The following G6PC1 variants were observed in gnomAD, a reference collection of about 807,000 sequenced individuals.
G6PC1 encodes the protein G-6-Pase.
In G6PC1, 23 loss-of-function variants were observed where a neutral mutation model predicts 30.4. The ratio of observed to expected loss-of-function variants is 0.76; its 90% CI spans 0.55 to 1.07. The LOEUF is 1.07. Among genes scored for constraint, G6PC1 ranks in the 50% least tolerant of loss-of-function variants. The pLI, the probability that G6PC1 is intolerant of heterozygous loss-of-function variation, is 0.00. For synonymous variants in G6PC1, 163 were observed against 175.6 expected, an observed-to-expected ratio of 0.93 and a Z score of 0.57; for missense variants, 391 against 433.9, an observed-to-expected ratio of 0.90 and a Z score of 0.88.
Position 42,911,825 on chromosome 17 carries a change from C to G in G6PC1, c.*399C>G, listed in dbSNP as rs895921511. 2.1e-5 allele frequency: 6 copies of G among 281,592 alleles called. No individual in the cohort carries two copies. Among genetic ancestry groups the G allele is most frequent in the Non-Finnish European group, 4.1e-5 (6 of 145,724 alleles). The allele number at this position is 281,592 out of a possible 1,614,324, so 17.4% of individuals were successfully genotyped here. ...AGCTCAGGTGGTCCTCTTTTACAATCCTAATCATATTGGGTAATGTTTTTG... is the reference window on the plus strand; with the variant it reads ...AGCTCAGGTGGTCCTCTTTTACAATGCTAATCATATTGGGTAATGTTTTTG... On this transcript the variant is annotated 3_prime_UTR_variant, in exon 5 of 5. Transcript: ENST00000253801.
Position 42,905,811 on chromosome 17 carries a change from C to T in G6PC1, c.341-1712C>T, listed in dbSNP as rs692466. ...TAATCCTAGCACTTTGGGAGGCCAA[C>T]GCAGGTGGATCACCTGAGGTCAGGA... On this transcript the variant is annotated intron_variant, in intron 2 of 4. Transcript: ENST00000253801. Among the ~76,000 whole-genome samples the T allele has an allele frequency of 2.7e-3, 412 of 151,636 alleles. 14 individuals carry two copies. In the South Asian group the frequency reaches 0.055, roughly 20 times the overall value.
intron 3 of G6PC1, 84 bp from the exon 4 acceptor site, chr17:42,909,216 GCCA>G (rs2056080640): frequency 2.0e-6 from 2 of 1,005,492 alleles, no homozygotes; most frequent in African/African-American, 1.6e-5. Context: ...ACCTAAGTTT[GCCA>G]GGCTCCAACA....
At position 42,910,909 on chromosome 17, in the gene G6PC1, A is replaced by G. The variant is rs2056090751; in HGVS notation, c.563-6A>G. 3 of 1,613,928 alleles carry G rather than the reference A, an allele frequency of 1.9e-6. No homozygotes were observed. In the Admixed American group the frequency reaches 5.0e-5, roughly 27 times the overall value. Reference sequence around the variant, plus strand: ...ATCTCTCACAGTCATGCTTTCTTCCACTCAGGCATTGCTGTTGCAGAAACT... The same window carrying G: ...ATCTCTCACAGTCATGCTTTCTTCCGCTCAGGCATTGCTGTTGCAGAAACT... On this transcript the variant is annotated splice_polypyrimidine_tract_variant and splice_region_variant and intron_variant, in intron 4 of 4. Coordinates refer to ENST00000253801, the MANE Select transcript of G6PC1 (RefSeq NM_000151.4).
rs190774753 is a variant in G6PC1 at position 42,904,887 on chromosome 17, A to G, written c.340+847A>G. Among the ~76,000 whole-genome samples, 17 of 152,050 alleles carry G rather than the reference A, an allele frequency of 1.1e-4. No individual in the cohort carries two copies. The East Asian group carries it at 3.3e-3, about 29-fold the overall frequency. ...AGCACTTTGGGAAGCCAAGGTAGGT[A>G]GATCACCTGAGGTCAGGAGTTCAAA... On this transcript the variant is annotated intron_variant, in intron 2 of 4. Transcript: ENST00000253801.
chr17:42,901,222 T>G (rs574186730), intron 1 of G6PC1, 116 bp downstream of exon 1: 217 of 854,776 alleles, frequency 2.5e-4, no homozygotes, highest in African/African-American at 2.1e-3. Context: ...GGGCTACTCA[T>G]GCTTCCAACC....
In G6PC1 at chr17:42,914,362, G is replaced by GC. The variant is rs1318674810; in HGVS notation, c.*2941dup. 6.6e-6 allele frequency among the ~76,000 whole-genome samples: 1 copy of GC among 152,154 alleles called. No individual in the cohort carries two copies. Among genetic ancestry groups the GC allele is most frequent in the African/African-American group, 2.4e-5 (1 of 41,448 alleles). ...AAAGGTCTGCCAGAAAGTAAATACT[G>GC]CCCCCACTCCCTGAAGTTTATGAGG... is the stretch of plus-strand genomic sequence containing the variant. On this transcript the variant is annotated 3_prime_UTR_variant, in exon 5 of 5. Transcript: ENST00000253801.
Position 42,909,358 on chromosome 17 carries a change from C to T in G6PC1, c.502C>T (p.Leu168=), listed in dbSNP as rs2056081701. 6.2e-7 allele frequency: 1 copy of T among 1,614,044 alleles called. No homozygotes were observed. Among genetic ancestry groups the T allele is most frequent in the Admixed American group, 1.7e-5 (1 of 59,992 alleles). ...GFWAVQLNVC[L]SRIYLAAHFP... ...CTGGGCTGTGCAGCTGAATGTCTGT[C>T]TGTCACGAATCTACCTTGCTGCTCA... The change falls in exon 4 of 5, where the codon CTG becomes TTG. Residue 168 remains leucine, a synonymous_variant. Coordinates refer to ENST00000253801, the MANE Select transcript of G6PC1 (RefSeq NM_000151.4).
rs377077333 is a variant in G6PC1, at chr17:42,911,156, C to T, written c.804C>T (p.Leu268=). ...FASLLKNLGT[L]FGLGLALNSS... The stretch of plus-strand genomic sequence containing the variant: ...GCCTCCTCAAGAACCTGGGCACGCT[C>T]TTTGGCCTGGGGCTGGCTCTCAACT... The change falls in exon 5 of 5, where the codon CTC becomes CTT. Residue 268 remains leucine, a synonymous_variant. Transcript: ENST00000253801. 30 of 1,614,050 alleles carry T rather than the reference C, an allele frequency of 1.9e-5. 2 individuals carry two copies. In the South Asian group the frequency reaches 3.0e-4, roughly 16 times the overall value.
At position 42,912,522 on chromosome 17, in the gene G6PC1, T is replaced by C. The variant is rs927418828; in HGVS notation, c.*1096T>C. 3 of 152,262 alleles carry C rather than the reference T, an allele frequency of 2.0e-5. No homozygotes were observed. The highest frequency in any genetic ancestry group is 7.2e-5 in the African/African-American group (3 of 41,432). 9.4% of individuals were successfully genotyped at this position (152,262 alleles called of 1,614,324 possible). A position where few individuals can be genotyped will look rare whatever the true frequency, so the allele number is the denominator to read the frequency against. ...AAAATGACAAGGGGAGGGCCAGGAT[T>C]CCTCTCTCAGGTCACTCCAGTGTTA... On this transcript the variant is annotated 3_prime_UTR_variant, in exon 5 of 5. Coordinates refer to ENST00000253801, the MANE Select transcript of G6PC1 (RefSeq NM_000151.4).
chr17:42,910,093 C>T (rs1418406612), intron 4 of G6PC1, among the ~76,000 whole-genome samples: 6 of 152,034 alleles, frequency 3.9e-5, no homozygotes, highest in Admixed American at 6.6e-5. Flanking sequence ...CCTCGTGATC[C>T]GCCCGCCTCG....
chr17:42,909,258 A>G (rs1567705611), intron 3 of G6PC1, 45 bp from the exon 4 acceptor site: 1 of 1,382,952 alleles, frequency 7.2e-7, no homozygotes. Context: ...TCTTTGCTGA[A>G]GGATCTGCAC....
chr17:42,908,704 C>CT (rs751084537), intron 3 of G6PC1, among the ~76,000 whole-genome samples: 4,984 of 120,176 alleles, frequency 0.041, 427 homozygotes, highest in African/African-American at 0.15. Context: ...CGCGCCTGGC[C>CT]TTTTTTTTTT....
chr17:42,902,914 A>C (rs1478114852), intron 1 of G6PC1, among the ~76,000 whole-genome samples: 1 of 152,030 alleles, frequency 6.6e-6, no homozygotes, highest in South Asian at 2.1e-4. Context: ...GCTGGAGTGC[A>C]TTCTCTGATG....
At chr17:42,904,950 A>G (rs2056049237) in intron 2 of G6PC1, among the ~76,000 whole-genome samples, 1 of 151,926 alleles carries the variant, frequency 6.6e-6, no homozygotes, top group Admixed American at 6.6e-5. Flanking sequence ...TGTCTTTACT[A>G]AAAATGGAAA....
Position 42,912,098 on chromosome 17 carries a change from T to C in G6PC1, c.*672T>C, listed in dbSNP as rs1293298575. 1 of 154,544 alleles carries C rather than the reference T, an allele frequency of 6.5e-6. No homozygotes were observed. Among genetic ancestry groups the C allele is most frequent in the Non-Finnish European group, 1.4e-5 (1 of 69,708 alleles). 9.6% of individuals were successfully genotyped at this position (154,544 alleles called of 1,614,324 possible). A position where few individuals can be genotyped will look rare whatever the true frequency, so the allele number is the denominator to read the frequency against. On this transcript the variant is annotated 3_prime_UTR_variant, in exon 5 of 5. Transcript: ENST00000253801. ...AGGCTGCCTAAGGAGGAGTTTTTAG[T>C]ATGTGGCGTATCATGCAAGTGCTAT...
chr17:42,907,547 G>A lies in G6PC1; in HGVS notation c.365G>A (p.Gly122Asp), dbSNP rs759982943. ...GGGAGCCCCTCTGGCCATGCCATGG[G>A]CACAGCAGGTGTATACTACGTGATG... is the stretch of plus-strand genomic sequence containing the variant. ...GPGSPSGHAM[G>D]TAGVYYVMVT... The change falls in exon 3 of 5, where the codon GGC becomes GAC. Residue 122 changes from glycine to aspartate, a missense_variant. By Grantham distance (94) the Gly-to-Asp change is moderately conservative. Transcript: ENST00000253801. 4.3e-6 allele frequency: 7 copies of A among 1,613,698 alleles called. No homozygotes were observed. In the East Asian group the frequency reaches 1.1e-4, roughly 26 times the overall value.
At chr17:42,906,479 C>T (rs1884888216) in intron 2 of G6PC1, among the ~76,000 whole-genome samples, 1 of 152,124 alleles carries the variant, frequency 6.6e-6, no homozygotes, top group Non-Finnish European at 1.5e-5. Flanking sequence ...AGCCATCTAC[C>T]ATCACACTCT....
chr17:42,907,911 C>T (rs1444773808), intron 3 of G6PC1, among the ~76,000 whole-genome samples: 2 of 152,300 alleles, frequency 1.3e-5, no homozygotes, highest in East Asian at 3.9e-4. Context: ...AGCAGCAGGG[C>T]TTAAATAAAA....
chr17:42,911,576 G>A lies in G6PC1; in HGVS notation c.*150G>A. 8.4e-7 allele frequency: 1 copy of A among 1,195,370 alleles called. No homozygotes were observed. The allele number at this position is 1,195,370 out of a possible 1,614,324, so 74.0% of individuals were successfully genotyped here. A position where few individuals can be genotyped will look rare whatever the true frequency, so the allele number is the denominator to read the frequency against. ...ATTAAATCACGGATGGCAGATTGGAGGGTCGCCTGGCTTATTCCCATGTGT... is the reference window on the plus strand; with the variant it reads ...ATTAAATCACGGATGGCAGATTGGAAGGTCGCCTGGCTTATTCCCATGTGT... On this transcript the variant is annotated 3_prime_UTR_variant, in exon 5 of 5. Coordinates refer to ENST00000253801, the MANE Select transcript of G6PC1 (RefSeq NM_000151.4).
Sources: allele counts gnomAD v4.1 joint callset (sites outside exome capture counted in the v4.1 genomes callset), GRCh38; gene constraint gnomAD v4.1.1; transcripts MANE v1.5; gene names NCBI Gene and HGNC (gene_info 2026-07-23, HGNC 2026-07-21).